GRXCR2: variants seen among roughly 807,000 people sequenced by gnomAD.
The protein encoded by GRXCR2 is glutaredoxin and cysteine rich domain containing 2.
GRXCR2 carries 23 observed loss-of-function variants against 24.8 expected under a neutral mutation model. That is an observed-to-expected ratio of 0.93 (90% CI 0.67 to 1.32). The LOEUF is 1.32. Among genes scored for constraint, GRXCR2 ranks in the 40% most tolerant of loss-of-function variants. The pLI is 0.00. For missense variants in GRXCR2, 315 were observed against 303.4 expected (o/e 1.04, Z -0.28); for synonymous variants, 130 against 116.1 (o/e 1.12, Z -0.77).
chr5:145,900,099 G>A (rs1757004393), intron 2 of GRXCR2, among the ~76,000 whole-genome samples: 1 of 151,954 alleles, frequency 6.6e-6, no homozygotes, highest in Non-Finnish European at 1.5e-5. Flanking sequence ...AACAGATATT[G>A]ATATGGTTTG....
chr5:145,924,394 A>G (rs1757363253), intron 2 of GRXCR2, among the ~76,000 whole-genome samples: 3 of 152,106 alleles, frequency 2.0e-5, no homozygotes, highest in Non-Finnish European at 2.9e-5. Context: ...TTCTCTCACT[A>G]TTTTATCTCA....
intron 2 of GRXCR2, among the ~76,000 whole-genome samples, chr5:145,881,395 G>A (rs565955489): frequency 1.5e-3 from 225 of 152,030 alleles, no homozygotes; most frequent in Non-Finnish European, 2.5e-3. Flanking sequence ...AACAGACAGA[G>A]AGCCAAATCA....
At position 145,904,036 on chromosome 5, in the gene GRXCR2, T is replaced by C. The variant is rs530922710; in HGVS notation, c.-70+31665A>G. Among the ~76,000 whole-genome samples the C allele has an allele frequency of 1.3e-3, 201 of 152,262 alleles. 2 individuals carry two copies. Among genetic ancestry groups the C allele is most frequent in the African/African-American group, 4.6e-3 (191 of 41,548 alleles). On this transcript the variant is annotated intron_variant, in intron 2 of 3. Coordinates refer to the GRXCR2 transcript ENST00000639411. The stretch of plus-strand genomic sequence containing the variant: ...GACATGCCCTGAAGTGGTTTAACAA[T>C]CAGTTGTGTCGGGAAAGGCTGAGGA...
intron 1 of GRXCR2, among the ~76,000 whole-genome samples, chr5:145,868,839 G>A (rs1246293262): frequency 2.0e-5 from 3 of 152,202 alleles, no homozygotes; most frequent in African/African-American, 7.2e-5. Flanking sequence ...TTAAGTTTTA[G>A]TTACCCTGAT....
At chr5:145,883,368 A>G (rs908691035) in intron 2 of GRXCR2, among the ~76,000 whole-genome samples, 1 of 152,170 alleles carries the variant, frequency 6.6e-6, no homozygotes, top group African/African-American at 2.4e-5. Flanking sequence ...TTGTTAAGTA[A>G]ACTGTACCTA....
chr5:145,862,644 G>T (rs556365664), intron 2 of GRXCR2, among the ~76,000 whole-genome samples: 6 of 152,208 alleles, frequency 3.9e-5, no homozygotes, highest in Middle Eastern at 3.4e-3. Flanking sequence ...CAAGAAGAGG[G>T]GCCTGATCTT....
intron 2 of GRXCR2, among the ~76,000 whole-genome samples, chr5:145,929,332 A>G (rs1044714658): frequency 2.0e-5 from 3 of 151,582 alleles, no homozygotes; most frequent in Non-Finnish European, 4.4e-5. Context: ...CTGTTATGTT[A>G]CATAAATTTA....
At chr5:145,901,338 G>A (rs936874778) in intron 2 of GRXCR2, among the ~76,000 whole-genome samples, 13 of 151,824 alleles carry the variant, frequency 8.6e-5, no homozygotes, top group African/African-American at 3.1e-4. Context: ...AGTTTTCCAT[G>A]TTAATATATA....
rs1433548035 is a variant in GRXCR2, at chr5:145,858,946, T to A, written c.*787A>T. Reference sequence around the variant, plus strand: ...TCATGGCTAGGTTCTAGACTTAAAGTGGATTTATTTATTTGGTAGTAATTC... The same window carrying A: ...TCATGGCTAGGTTCTAGACTTAAAGAGGATTTATTTATTTGGTAGTAATTC... On this transcript the variant is annotated 3_prime_UTR_variant, in exon 3 of 3. Transcript: ENST00000377976. The A allele has an allele frequency of 6.6e-6, 1 of 152,206 alleles. No individual in the cohort carries two copies. The highest frequency in any genetic ancestry group is 1.9e-4 in the East Asian group (1 of 5,202). The allele number at this position is 152,206 out of a possible 1,614,324, so 9.4% of individuals were successfully genotyped here.
intron 2 of GRXCR2, among the ~76,000 whole-genome samples, chr5:145,881,607 T>C (rs1370873950): frequency 6.6e-6 from 1 of 152,134 alleles, no homozygotes; most frequent in Non-Finnish European, 1.5e-5. Flanking sequence ...CTGTCCAAGG[T>C]AATTTATAGA....
At chr5:145,892,706 C>T (rs576967841) in intron 2 of GRXCR2, among the ~76,000 whole-genome samples, 7 of 152,352 alleles carry the variant, frequency 4.6e-5, no homozygotes, top group African/African-American at 1.7e-4. Context: ...GGAAAACACT[C>T]TGCAGGATAT....
Position 145,927,127 on chromosome 5 carries a change from A to G in GRXCR2, c.-70+8574T>C, listed in dbSNP as rs1757410071. ...TGCCTATCAGCTTAAGGAGATTTTG[A>G]GCTGAGACGATGGGGTTTTCTACAT... On this transcript the variant is annotated intron_variant, in intron 2 of 3. Coordinates refer to the GRXCR2 transcript ENST00000639411. Among the ~76,000 whole-genome samples the G allele has an allele frequency of 2.0e-5, 3 of 152,110 alleles. No individual in the cohort carries two copies. In the South Asian group the frequency reaches 6.2e-4, roughly 31 times the overall value.
intron 2 of GRXCR2, among the ~76,000 whole-genome samples, chr5:145,883,927 G>C (rs1306679530): frequency 6.6e-6 from 1 of 152,118 alleles, no homozygotes; most frequent in Non-Finnish European, 1.5e-5. Context: ...CAAAATCTCA[G>C]TATGGAGCAC....
At chr5:145,867,041 G>A (rs1001838398) in intron 1 of GRXCR2, among the ~76,000 whole-genome samples, 7 of 152,136 alleles carry the variant, frequency 4.6e-5, no homozygotes, top group African/African-American at 1.7e-4. Context: ...GCAGGGCTGG[G>A]TACAATGAGT....
chr5:145,858,335 C>G (rs1341870859), downstream of GRXCR2, among the ~76,000 whole-genome samples: 2 of 89,488 alleles, frequency 2.2e-5, no homozygotes, highest in Admixed American at 1.2e-4. Context: ...AAAAAAAAAG[C>G]AGAATACACT....
chr5:145,859,979 C>G (rs373389385), intron 2 of GRXCR2, 64 bp from the exon 3 acceptor site: 5 of 1,324,300 alleles, frequency 3.8e-6, no homozygotes, highest in South Asian at 3.0e-5. Flanking sequence ...ACATGCAGGT[C>G]AAAACAGCAC....
intron 2 of GRXCR2, among the ~76,000 whole-genome samples, chr5:145,883,817 G>A (rs80342501): frequency 6.6e-6 from 1 of 152,106 alleles, no homozygotes; most frequent in African/African-American, 2.4e-5. Flanking sequence ...GAGCCCAGGA[G>A]GTCACAGCTG....
intron 2 of GRXCR2, among the ~76,000 whole-genome samples, chr5:145,884,594 TAAG>T (rs1451188716): frequency 6.6e-6 from 1 of 151,806 alleles, no homozygotes; most frequent in African/African-American, 2.4e-5. Context: ...GCCTATATAA[TAAG>T]GTATGCATAT....
intron 2 of GRXCR2, among the ~76,000 whole-genome samples, chr5:145,922,424 G>T (rs768272824): frequency 6.6e-6 from 1 of 152,106 alleles, no homozygotes; most frequent in African/African-American, 2.4e-5. Context: ...TGTGCTGACC[G>T]TCATTACATT....
Sources: allele counts gnomAD v4.1 joint callset (sites outside exome capture counted in the v4.1 genomes callset), GRCh38; gene constraint gnomAD v4.1.1; transcripts MANE v1.5; gene names NCBI Gene and HGNC (gene_info 2026-07-23, HGNC 2026-07-21).